Variants in GPHN observed in about 807,000 individuals in gnomAD.
GPHN encodes the protein gephyrin.
GPHN carries 17 observed loss-of-function variants against 95.5 expected under a neutral mutation model. The ratio of observed to expected loss-of-function variants is 0.18; its 90% CI spans 0.12 to 0.27. The LOEUF is 0.27. Ranked by LOEUF, GPHN falls within the 10% of genes least tolerant of loss-of-function variation. The pLI, the probability that GPHN is intolerant of heterozygous loss-of-function variation, is 1.00. For synonymous variants in GPHN, 320 were observed against 322.5 expected, an observed-to-expected ratio of 0.99 and a Z score of 0.08; for missense variants, 660 against 978.1, an observed-to-expected ratio of 0.67 and a Z score of 4.34.
intron 1 of GPHN, among the ~76,000 whole-genome samples, chr14:66,594,271 G>A (rs10151780): frequency 0.029 from 4,444 of 151,248 alleles, 202 homozygotes; most frequent in African/African-American, 0.1. Context: ...TGCAACCCCC[G>A]TCAAAAACTC....
chr14:67,230,940 C>T, the GPHN span, among the ~76,000 whole-genome samples: 1 of 152,174 alleles, frequency 6.6e-6, no homozygotes, highest in Admixed American at 6.5e-5. Flanking sequence ...TCACACCATC[C>T]CACCTGGAAC....
At chr14:67,033,607 G>A (rs1469824416) in intron 10 of GPHN, among the ~76,000 whole-genome samples, 1 of 148,982 alleles carries the variant, frequency 6.7e-6, no homozygotes, top group Admixed American at 6.7e-5. Context: ...ATGCCATTTT[G>A]TGGACCAGTG....
At chr14:67,452,907 C>T in the GPHN span, among the ~76,000 whole-genome samples, 1 of 152,212 alleles carries the variant, frequency 6.6e-6, no homozygotes, top group Non-Finnish European at 1.5e-5. Flanking sequence ...TCTGCTGGAT[C>T]CTGAAACCTG....
At chr14:67,511,538 C>A in the GPHN span, among the ~76,000 whole-genome samples, 1 of 152,134 alleles carries the variant, frequency 6.6e-6, no homozygotes, top group Non-Finnish European at 1.5e-5. Flanking sequence ...TACTGGGAAG[C>A]CAGCAGAGTA....
At chr14:67,471,957 G>C in the GPHN span, 1 of 152,330 alleles carries the variant, frequency 6.6e-6, no homozygotes, top group Admixed American at 6.5e-5. Flanking sequence ...CCCTTGAGGA[G>C]TGAGAGTCAG....
At chr14:67,202,529 A>G in the GPHN span, among the ~76,000 whole-genome samples, 2 of 152,230 alleles carry the variant, frequency 1.3e-5, no homozygotes, top group Admixed American at 6.5e-5. Context: ...CATCATTCCT[A>G]TTCTTTTACT....
chr14:67,426,254 AG>A, the GPHN span, among the ~76,000 whole-genome samples: 2 of 152,152 alleles, frequency 1.3e-5, no homozygotes, highest in African/African-American at 4.8e-5. Flanking sequence ...GTGGTCCGAC[AG>A]GATCTCTGGG....
At position 66,815,265 on chromosome 14, in the gene GPHN, C is replaced by A. The variant is rs1248689148; in HGVS notation, c.202-9209C>A. On this transcript the variant is annotated intron_variant, in intron 3 of 22. Transcript: ENST00000478722. ...ATGTTTCAGGTATCATCCATGAGAA[C>A]TTCCCCAACCTAGCTAGAGAGGCCA... 2.0e-5 allele frequency among the ~76,000 whole-genome samples: 3 copies of A among 152,168 alleles called. No homozygotes were observed. In the South Asian group the frequency reaches 6.2e-4, roughly 32 times the overall value.
intron 2 of GPHN, among the ~76,000 whole-genome samples, chr14:66,702,869 C>T (rs1351846120): frequency 1.3e-5 from 2 of 152,106 alleles, no homozygotes; most frequent in African/African-American, 4.8e-5. Flanking sequence ...CATGTTCTAA[C>T]CCAATGCAAC....
At chr14:67,575,871 G>A in the GPHN span, 1 of 1,613,994 alleles carries the variant, frequency 6.2e-7, no homozygotes, top group Non-Finnish European at 8.5e-7. Flanking sequence ...AGAGGAAGTA[G>A]ATCGATCCTG....
the GPHN span, among the ~76,000 whole-genome samples, chr14:67,694,443 TATATATATACACACACACAC>T: frequency 2.2e-5 from 3 of 139,504 alleles, no homozygotes; most frequent in Non-Finnish European, 3.1e-5. Context: ...TATATATATA[TATATATATACACACACACAC>T]ACATATATAT....
intron 8 of GPHN, among the ~76,000 whole-genome samples, chr14:66,947,799 A>G: frequency 6.6e-6 from 1 of 152,084 alleles, no homozygotes; most frequent in Non-Finnish European, 1.5e-5. Context: ...CTCTACAAAA[A>G]GTAAATTTAG....
At chr14:66,848,392 C>G (rs146174912) in intron 4 of GPHN, among the ~76,000 whole-genome samples, 8 of 152,068 alleles carry the variant, frequency 5.3e-5, no homozygotes, top group African/African-American at 1.9e-4. Context: ...GCTTTCTGAT[C>G]AAAATTAAGA....
intron 4 of GPHN, among the ~76,000 whole-genome samples, chr14:66,844,980 G>C (rs1045124179): frequency 6.6e-6 from 1 of 151,938 alleles, no homozygotes; most frequent in Non-Finnish European, 1.5e-5. Flanking sequence ...TACCAGTTTT[G>C]TCTTTCAGTG....
chr14:67,510,436 A>G, the GPHN span, among the ~76,000 whole-genome samples: 1 of 152,212 alleles, frequency 6.6e-6, no homozygotes, highest in Admixed American at 6.5e-5. Flanking sequence ...GATCACATCC[A>G]AGTACCACAG....
At chr14:66,660,881 T>C (rs2065602049) in intron 1 of GPHN, among the ~76,000 whole-genome samples, 1 of 152,116 alleles carries the variant, frequency 6.6e-6, no homozygotes, top group African/African-American at 2.4e-5. Flanking sequence ...AGTGAGTGAA[T>C]ATGTGACCCT....
At chr14:67,122,429 T>G (rs777578947) in intron 17 of GPHN, 52 bp downstream of exon 17, 2 of 1,521,286 alleles carry the variant, frequency 1.3e-6, no homozygotes, top group Non-Finnish European at 1.8e-6. Context: ...ATACGAGTTT[T>G]TGGAATACTC....
At chr14:67,355,895 A>G in the GPHN span, among the ~76,000 whole-genome samples, 1 of 151,906 alleles carries the variant, frequency 6.6e-6, no homozygotes, top group Admixed American at 6.6e-5. Flanking sequence ...ATATACAAAG[A>G]AGGCTAAGGT....
chr14:67,113,877 C>G (rs924488223), intron 16 of GPHN, among the ~76,000 whole-genome samples: 1 of 152,166 alleles, frequency 6.6e-6, no homozygotes, highest in African/African-American at 2.4e-5. Flanking sequence ...AAAAGTGAAT[C>G]TGCTGGAAAC....
Sources: gnomAD v4.1 joint callset for allele counts (sites outside exome capture counted in the v4.1 genomes callset) on GRCh38, gnomAD v4.1.1 for gene constraint, MANE v1.5 for transcripts, NCBI Gene and HGNC (gene_info 2026-07-23, HGNC 2026-07-21) for gene names.